The following USH2A variants were observed in gnomAD, a reference collection of about 807,000 sequenced individuals.
USH2A encodes usherin, also known as Usher syndrome 2A (autosomal recessive, mild).
In USH2A, 443 loss-of-function variants were observed where a neutral mutation model predicts 538.9. The ratio of observed to expected loss-of-function variants is 0.82; its 90% CI spans 0.76 to 0.89. The LOEUF (loss-of-function observed/expected upper bound fraction) is 0.89. USH2A is among the 40% of genes least tolerant of loss of function. USH2A has a pLI of 0.00. For missense variants in USH2A, 6,633 were observed against 6,324.8 expected (o/e 1.05, Z -1.65); for synonymous variants, 2,413 against 2,273.5 (o/e 1.06, Z -1.75).
chr1:216,367,284 T>C (rs1168912303), intron 3 of USH2A, among the ~76,000 whole-genome samples: 1 of 152,118 alleles, frequency 6.6e-6, no homozygotes, highest in African/African-American at 2.4e-5. Context: ...GAAAAGAAAA[T>C]TGTCTCTGTA....
intron 11 of USH2A, among the ~76,000 whole-genome samples, chr1:216,286,281 C>A (rs988690483): frequency 6.6e-6 from 1 of 152,164 alleles, no homozygotes; most frequent in Non-Finnish European, 1.5e-5. Context: ...AATTAGTTCT[C>A]ATGAAATCTG....
chr1:215,796,337 C>T (rs1393047609), intron 50 of USH2A, among the ~76,000 whole-genome samples: 1 of 152,094 alleles, frequency 6.6e-6, no homozygotes, highest in Non-Finnish European at 1.5e-5. Flanking sequence ...TCCAATAGCA[C>T]GTGTTCGCTT....
intron 21 of USH2A, among the ~76,000 whole-genome samples, chr1:216,114,568 T>C (rs2032956045): frequency 6.6e-6 from 1 of 152,206 alleles, no homozygotes. Flanking sequence ...ACTTCTTGAG[T>C]TGCTATTCTG....
In USH2A at chr1:215,928,669, C is replaced by T. The variant is rs959235771; in HGVS notation, c.7300+5947G>A. Among the ~76,000 whole-genome samples the T allele has an allele frequency of 9.2e-5, 14 of 152,080 alleles. No individual in the cohort carries two copies. The East Asian group carries it at 2.7e-3, about 29-fold the overall frequency. On this transcript the variant is annotated intron_variant, in intron 38 of 71. Transcript: ENST00000307340. ...GTACACTAGGGCTTGACTCTTGAAA[C>T]CCTGAGTTTCTTTCTGGGAATTCTG...
At chr1:215,639,379 T>G (rs1656605672) in intron 68 of USH2A, 141 bp from the exon 69 acceptor site, 10 of 777,828 alleles carry the variant, frequency 1.3e-5, no homozygotes, top group East Asian at 5.4e-5. Context: ...ATATTCAAAA[T>G]TACTTCTAAT....
Position 215,718,944 on chromosome 1 carries a change from G to A in USH2A, c.12066+9086C>T, listed in dbSNP as rs78293974. Among the ~76,000 whole-genome samples the A allele has an allele frequency of 3.6e-3, 549 of 152,278 alleles. 3 individuals are homozygous for A. The highest frequency in any genetic ancestry group is 0.012 in the African/African-American group (483 of 41,558). On this transcript the variant is annotated intron_variant, in intron 61 of 71. Coordinates refer to ENST00000307340, the MANE Select transcript of USH2A (RefSeq NM_206933.4). ...ACAGACATTTTTGACAAGGCTCCACGGGAGTCTTAGGTGTCTAAAGAGGGT... is the reference window on the plus strand; with the variant it reads ...ACAGACATTTTTGACAAGGCTCCACAGGAGTCTTAGGTGTCTAAAGAGGGT...
chr1:216,058,805 G>A (rs1173539138), intron 30 of USH2A, among the ~76,000 whole-genome samples: 1 of 152,170 alleles, frequency 6.6e-6, no homozygotes, highest in African/African-American at 2.4e-5. Flanking sequence ...TAACTATGGG[G>A]TTAGTAGCAG....
rs1348309436 is a variant in USH2A, at chr1:216,008,276, A to G, written c.6326-7714T>C. 3.3e-5 allele frequency among the ~76,000 whole-genome samples: 5 copies of G among 151,908 alleles called. No individual in the cohort carries two copies. The East Asian group carries it at 9.7e-4, about 29-fold the overall frequency. ...GTGAAAATGGCCTGTTCCTGCCTTA[A>G]CTGATGACATTGTCTTGTGAAATTC... On this transcript the variant is annotated intron_variant, in intron 32 of 71. Coordinates refer to ENST00000307340, the MANE Select transcript of USH2A (RefSeq NM_206933.4).
At position 216,075,855 on chromosome 1, in the gene USH2A, A is replaced by AT. The variant is rs1221247312; in HGVS notation, c.5572+2233dup. On this transcript the variant is annotated intron_variant, in intron 27 of 71. Transcript: ENST00000307340. The stretch of plus-strand genomic sequence containing the variant: ...CGGAGGAAGATTGCAACGTTAGTAG[A>AT]TTAAAAAAAAAATAGCACTAATATG... Among the ~76,000 whole-genome samples the AT allele has an allele frequency of 1.5e-3, 117 of 76,528 alleles. 1 individual carries two copies. Among genetic ancestry groups the AT allele is most frequent in the African/African-American group, 6.1e-3 (109 of 17,868 alleles). 50.2% of individuals were successfully genotyped at this position (76,528 alleles called of 152,430 possible).
At chr1:216,314,221 T>C (rs1313977314) in intron 9 of USH2A, among the ~76,000 whole-genome samples, 1 of 152,150 alleles carries the variant, frequency 6.6e-6, no homozygotes, top group Non-Finnish European at 1.5e-5. Flanking sequence ...TAACCTCTTT[T>C]TCATGTTTTC....
chr1:215,697,703 T>C (rs1018893649), intron 61 of USH2A, among the ~76,000 whole-genome samples: 4 of 152,132 alleles, frequency 2.6e-5, no homozygotes, highest in Admixed American at 2.6e-4. Context: ...GTATTTTTAG[T>C]AGAGATGGCG....
chr1:215,901,639 C>A (rs1199454235), intron 38 of USH2A, among the ~76,000 whole-genome samples: 1 of 152,112 alleles, frequency 6.6e-6, no homozygotes, highest in Non-Finnish European at 1.5e-5. Context: ...CTTCAACATA[C>A]CTGCTTGGTA....
intron 58 of USH2A, among the ~76,000 whole-genome samples, chr1:215,755,704 A>T (rs1660772660): frequency 6.6e-6 from 1 of 152,228 alleles, no homozygotes; most frequent in African/African-American, 2.4e-5. Context: ...ACCATTGGTT[A>T]AATGGTCAGA....
intron 70 of USH2A, among the ~76,000 whole-genome samples, chr1:215,632,804 T>C (rs1656328238): frequency 6.6e-6 from 1 of 152,178 alleles, no homozygotes; most frequent in Non-Finnish European, 1.5e-5. Context: ...AGTTATTCTT[T>C]AACAAGGAAA....
At chr1:215,725,493 C>A (rs1659786223) in intron 61 of USH2A, among the ~76,000 whole-genome samples, 1 of 152,098 alleles carries the variant, frequency 6.6e-6, no homozygotes, top group African/African-American at 2.4e-5. Context: ...TGAACACTTG[C>A]CTAGATTGCT....
intron 21 of USH2A, among the ~76,000 whole-genome samples, chr1:216,136,469 GAGTT>G (rs1014338158): frequency 6.6e-6 from 1 of 151,970 alleles, no homozygotes; most frequent in Non-Finnish European, 1.5e-5. Flanking sequence ...GAATTAGTTG[GAGTT>G]GTTTAATTCC....
intron 36 of USH2A, among the ~76,000 whole-genome samples, chr1:215,968,841 C>T (rs529579375): frequency 4.6e-5 from 7 of 152,118 alleles, no homozygotes; most frequent in African/African-American, 1.7e-4. Context: ...CTTAAGAAAC[C>T]GTTGTACACC....
intron 21 of USH2A, among the ~76,000 whole-genome samples, chr1:216,121,189 G>A (rs1242338807): frequency 6.6e-6 from 1 of 150,594 alleles, no homozygotes; most frequent in Admixed American, 6.7e-5. Flanking sequence ...TCAAAGATTA[G>A]TACAATTTAA....
chr1:215,826,203 G>A (rs887845923), intron 47 of USH2A, among the ~76,000 whole-genome samples: 4 of 152,152 alleles, frequency 2.6e-5, no homozygotes, highest in African/African-American at 9.6e-5. Flanking sequence ...AAGGTACATG[G>A]CCCAGGACAG....
Sources: gnomAD v4.1 joint callset for allele counts (sites outside exome capture counted in the v4.1 genomes callset) on GRCh38, gnomAD v4.1.1 for gene constraint, MANE v1.5 for transcripts, NCBI Gene and HGNC (gene_info 2026-07-23, HGNC 2026-07-21) for gene names.